RARB: variants seen among roughly 807,000 people sequenced by gnomAD.
The protein encoded by RARB is retinoic acid receptor beta.
Under a neutral mutation model 51.9 loss-of-function variants are expected in RARB, and 17 were observed. The ratio of observed to expected loss-of-function variants is 0.33; its 90% CI spans 0.22 to 0.49. The LOEUF is 0.49. RARB is among the 20% of genes least tolerant of loss of function. The pLI, the probability that RARB is intolerant of heterozygous loss-of-function variation, is 0.99. For synonymous variants in RARB, 215 were observed against 195.4 expected (o/e 1.10, Z -0.84); for missense variants, 369 against 550.8 (o/e 0.67, Z 3.30).
chr3:24,860,813 TA>T (rs1395258656), intron 2 of RARB, among the ~76,000 whole-genome samples: 31 of 152,308 alleles, frequency 2.0e-4, no homozygotes, highest in African/African-American at 7.2e-4. Flanking sequence ...TGAAGTAACT[TA>T]TCTGAGTCAC....
At chr3:25,325,993 T>A (rs1204054137) in intron 5 of RARB, among the ~76,000 whole-genome samples, 4 of 152,106 alleles carry the variant, frequency 2.6e-5, no homozygotes, top group African/African-American at 9.7e-5. Context: ...TCCCCTATCA[T>A]CACCTACCTG....
chr3:25,503,031 C>A (rs1697395750), intron 3 of RARB, among the ~76,000 whole-genome samples: 1 of 152,224 alleles, frequency 6.6e-6, no homozygotes, highest in South Asian at 2.1e-4. Context: ...GACAGGAAAG[C>A]ATCCTGCATG....
chr3:25,303,152 C>G (rs1391613668), intron 5 of RARB, among the ~76,000 whole-genome samples: 1 of 152,154 alleles, frequency 6.6e-6, no homozygotes, highest in Non-Finnish European at 1.5e-5. Flanking sequence ...ACATGCTCAG[C>G]AGTTCCAGCC....
At chr3:24,982,601 G>T (rs535974098) in intron 2 of RARB, among the ~76,000 whole-genome samples, 18 of 152,268 alleles carry the variant, frequency 1.2e-4, no homozygotes, top group Admixed American at 1.1e-3. Context: ...TTCTTCTTCA[G>T]ACAGAAAAGA....
At chr3:25,187,912 T>A (rs1443004488) in intron 5 of RARB, among the ~76,000 whole-genome samples, 1 of 152,114 alleles carries the variant, frequency 6.6e-6, no homozygotes, top group African/African-American at 2.4e-5. Flanking sequence ...ACAGACATGT[T>A]TGTAATTAAA....
chr3:25,065,633 T>C (rs1197714268), intron 3 of RARB, among the ~76,000 whole-genome samples: 1 of 152,240 alleles, frequency 6.6e-6, no homozygotes, highest in African/African-American at 2.4e-5. Flanking sequence ...TCATGACTAT[T>C]TTTCTTATCA....
intron 2 of RARB, among the ~76,000 whole-genome samples, chr3:25,020,830 G>C (rs546443932): frequency 1.3e-5 from 2 of 152,120 alleles, no homozygotes; most frequent in Non-Finnish European, 2.9e-5. Flanking sequence ...GTAACTGGGC[G>C]TGGTGGCACG....
chr3:24,992,856 T>G (rs1306102508), intron 2 of RARB, among the ~76,000 whole-genome samples: 1 of 150,876 alleles, frequency 6.6e-6, no homozygotes, highest in Admixed American at 6.6e-5. Flanking sequence ...CATTAGGGAT[T>G]AGGACTTCAA....
intron 3 of RARB, among the ~76,000 whole-genome samples, chr3:25,106,525 A>G (rs1575163252): frequency 7.7e-6 from 1 of 129,724 alleles, no homozygotes; most frequent in Admixed American, 9.4e-5. Context: ...CTGGTCTTGA[A>G]CTCCTGGGCT....
intron 5 of RARB, among the ~76,000 whole-genome samples, chr3:25,402,719 G>T (rs577200031): frequency 1.3e-5 from 2 of 152,060 alleles, no homozygotes; most frequent in African/African-American, 2.4e-5. Flanking sequence ...GACAAATGTC[G>T]CATGTTCTCA....
At chr3:25,502,449 G>A (rs999630581) in intron 3 of RARB, among the ~76,000 whole-genome samples, 3 of 152,158 alleles carry the variant, frequency 2.0e-5, no homozygotes, top group African/African-American at 7.2e-5. Flanking sequence ...CTATTGCTCA[G>A]GGATTGTAGC....
At chr3:24,841,861 A>G (rs1449850095) in intron 1 of RARB, among the ~76,000 whole-genome samples, 2 of 152,192 alleles carry the variant, frequency 1.3e-5, no homozygotes, top group African/African-American at 4.8e-5. Flanking sequence ...TATTAATGCT[A>G]TTTAGTGAAC....
intron 3 of RARB, among the ~76,000 whole-genome samples, chr3:25,505,287 A>G (rs1232841739): frequency 2.6e-5 from 4 of 152,192 alleles, no homozygotes; most frequent in African/African-American, 9.7e-5. Flanking sequence ...GAAAGTCTAT[A>G]TTCAAACTGA....
chr3:25,313,413 A>C (rs1399444294), intron 5 of RARB, among the ~76,000 whole-genome samples: 2 of 152,296 alleles, frequency 1.3e-5, no homozygotes, highest in Admixed American at 1.3e-4. Context: ...GGTGGCTTGA[A>C]CTGTAATGCT....
At chr3:25,204,418 C>T (rs145084250) in intron 5 of RARB, among the ~76,000 whole-genome samples, 1 of 152,236 alleles carries the variant, frequency 6.6e-6, no homozygotes, top group Non-Finnish European at 1.5e-5. Flanking sequence ...GCCGCCTTCT[C>T]TCAACTCGTC....
intron 2 of RARB, among the ~76,000 whole-genome samples, chr3:24,986,157 G>A (rs1351115171): frequency 2.0e-5 from 3 of 152,154 alleles, no homozygotes; most frequent in East Asian, 3.8e-4. Flanking sequence ...ATTGACTCAG[G>A]AAATAGGTAT....
intron 5 of RARB, among the ~76,000 whole-genome samples, chr3:25,183,746 C>A (rs1291374048): frequency 6.6e-6 from 1 of 152,108 alleles, no homozygotes; most frequent in Admixed American, 6.5e-5. Flanking sequence ...CTTCTAGTGT[C>A]CAGAATTCTT....
chr3:25,192,314 G>A (rs1701122366), intron 5 of RARB, among the ~76,000 whole-genome samples: 1 of 152,038 alleles, frequency 6.6e-6, no homozygotes, highest in South Asian at 2.1e-4. Flanking sequence ...ATTTTGATTG[G>A]TAAAGATCGT....
intron 5 of RARB, among the ~76,000 whole-genome samples, chr3:25,344,027 A>G (rs1705312760): frequency 6.6e-6 from 1 of 152,202 alleles, no homozygotes; most frequent in African/African-American, 2.4e-5. Context: ...AATGGAGACC[A>G]AAGAATTTAT....
Sources: allele counts gnomAD v4.1 joint callset (sites outside exome capture counted in the v4.1 genomes callset), GRCh38; gene constraint gnomAD v4.1.1; transcripts MANE v1.5; gene names NCBI Gene and HGNC (gene_info 2026-07-23, HGNC 2026-07-21).